FAM114A1: variants seen among roughly 807,000 people sequenced by gnomAD.
FAM114A1 encodes the protein protein NOXP20.
In FAM114A1, 62 loss-of-function variants were observed where a neutral mutation model predicts 64.3. That is an observed-to-expected ratio of 0.96 (90% CI 0.79 to 1.19). The LOEUF (loss-of-function observed/expected upper bound fraction) is 1.19. FAM114A1 is among the 50% of genes most tolerant of loss of function. The probability of loss-of-function intolerance (pLI) is 0.00; values close to 1 mark genes in which losing one functional copy is unlikely to be tolerated. For missense variants in FAM114A1, 645 were observed against 676.3 expected (o/e 0.95, Z 0.51); for synonymous variants, 254 against 251.1 (o/e 1.01, Z -0.11).
In FAM114A1 at chr4:38,944,980, C is replaced by T. The variant is rs1332030327; in HGVS notation, c.*1423C>T. The T allele has an allele frequency of 6.6e-6, 1 of 152,144 alleles. No homozygotes were observed. Among genetic ancestry groups the T allele is most frequent in the Non-Finnish European group, 1.5e-5 (1 of 68,032 alleles). 9.4% of individuals were successfully genotyped at this position (152,144 alleles called of 1,614,324 possible). ...TTGGTGTTTTATTTAATGTCCTACC[C>T]TTTAATTTGTTGCATTTTCCTATAC... On this transcript the variant is annotated 3_prime_UTR_variant, in exon 15 of 15. Coordinates refer to ENST00000358869, the MANE Select transcript of FAM114A1 (RefSeq NM_138389.4).
In FAM114A1 at chr4:38,943,608, A is replaced by C. The variant is rs932254906; in HGVS notation, c.*51A>C. On this transcript the variant is annotated 3_prime_UTR_variant, in exon 15 of 15. Transcript: ENST00000358869. ...GGAGACAGCTGGCCGCCTTGCCTCA[A>C]TATGTACCATTTAAGGGGATGTTCT... The C allele has an allele frequency of 1.3e-6, 2 of 1,497,212 alleles. No homozygotes were observed. The highest frequency in any genetic ancestry group is 1.9e-6 in the Non-Finnish European group (2 of 1,075,506). 92.7% of individuals were successfully genotyped at this position (1,497,212 alleles called of 1,614,324 possible).
chr4:38,908,686 G>T lies in FAM114A1; in HGVS notation c.752G>T (p.Arg251Leu). ...VLAESDPGFK[R>L]TKTLMERTVS... ...GCAGAAAGTGACCCGGGCTTTAAGC[G>T]GACCAAGACGCTCATGGAGAGAACT... The change falls in exon 7 of 15, where the codon CGG becomes CTG. Residue 251 changes from arginine (R) to leucine (L), a missense_variant. Arg to Leu is a moderately radical substitution (Grantham distance 102). Coordinates refer to ENST00000358869, the MANE Select transcript of FAM114A1 (RefSeq NM_138389.4). 1 of 1,612,636 alleles carries T rather than the reference G, an allele frequency of 6.2e-7. No homozygotes were observed. Among genetic ancestry groups the T allele is most frequent in the East Asian group, 2.2e-5 (1 of 44,872 alleles).
intron 8 of FAM114A1, among the ~76,000 whole-genome samples, chr4:38,919,173 C>T (rs1409170221): frequency 4.6e-5 from 7 of 151,982 alleles, no homozygotes; most frequent in South Asian, 2.1e-4. Flanking sequence ...AAAATTAAAA[C>T]GGTAAAGAAC....
Position 38,915,075 on chromosome 4 carries a change from T to A in FAM114A1, c.945+2T>A. On this transcript the variant is annotated splice_donor_variant, in intron 8 of 14. Coordinates refer to ENST00000358869, the MANE Select transcript of FAM114A1 (RefSeq NM_138389.4). LOFTEE classifies it high-confidence loss of function. ...CTGTCCAATGAAAGCGAAAGCAAGG[T>A]ACTTCTGCACTACTCGTTTGAAATG... 6.2e-7 allele frequency: 1 copy of A among 1,614,060 alleles called. No homozygotes were observed. Among genetic ancestry groups the A allele is most frequent in the Non-Finnish European group, 8.5e-7 (1 of 1,179,966 alleles).
intron 4 of FAM114A1, among the ~76,000 whole-genome samples, chr4:38,902,363 A>G (rs898889730): frequency 4.6e-5 from 7 of 152,224 alleles, no homozygotes; most frequent in African/African-American, 1.7e-4. Flanking sequence ...TTTCTTCTCA[A>G]TAATCTCGCA....
In FAM114A1 at chr4:38,905,526, T is replaced by C. The variant is rs1426573025; in HGVS notation, c.441T>C (p.His147=). ...CCATATTTTTATTTCCAACAGGTCA[T>C]GGATTGACGGCAGTCAAGGAAAAAG... The part of the protein sequence containing the change: ...LLSSASATVG[H]GLTAVKEKAG... Residue 147 remains histidine (H), a synonymous_variant, in exon 5 of 15, where the codon CAT becomes CAC. Coordinates refer to ENST00000358869, the MANE Select transcript of FAM114A1 (RefSeq NM_138389.4). The C allele has an allele frequency of 3.7e-6, 6 of 1,613,006 alleles. No individual in the cohort carries two copies. The highest frequency in any genetic ancestry group is 2.7e-5 in the African/African-American group (2 of 74,882).
rs774296251 is a variant in FAM114A1 at position 38,943,542 on chromosome 4, G to A, written c.1677G>A (p.Leu559=). 10 of 1,613,826 alleles carry A rather than the reference G, an allele frequency of 6.2e-6. No homozygotes were observed. The highest frequency in any genetic ancestry group is 8.5e-6 in the Non-Finnish European group (10 of 1,179,926). The change falls in exon 15 of 15, where the codon TTG becomes TTA. Residue 559 remains leucine (L), a synonymous_variant. Transcript: ENST00000358869. ...LQVSHIQTSC[L]KAQP ...TCTCACATATCCAGACCAGTTGTTT[G>A]AAAGCACAGCCGTGACCTGGCCAGA...
intron 6 of FAM114A1, 110 bp downstream of exon 6, chr4:38,905,971 G>T: frequency 1.1e-6 from 1 of 919,318 alleles, no homozygotes. Flanking sequence ...GCCTTGCTCA[G>T]AACTTTGGAT....
At chr4:38,924,863 ATGGTGTCTGAGGTAGACCT>A (rs1440465336) in intron 9 of FAM114A1, among the ~76,000 whole-genome samples, 1 of 152,210 alleles carries the variant, frequency 6.6e-6, no homozygotes, top group Non-Finnish European at 1.5e-5. Flanking sequence ...TTCAAGAGTC[ATGGTGTCTGAGGTAGACCT>A]TGGTCCTATT....
At chr4:38,933,028 A>G (rs904343416) in intron 12 of FAM114A1, among the ~76,000 whole-genome samples, 2 of 151,760 alleles carry the variant, frequency 1.3e-5, no homozygotes, top group Admixed American at 6.6e-5. Flanking sequence ...TAATTTTTGT[A>G]TTTTTAGTAG....
chr4:38,891,769 A>T lies in FAM114A1; in HGVS notation c.375A>T (p.Gly125=), dbSNP rs201447299. ...YLAVDSPPSG[G]GWAGWGSWGK... is the part of the protein sequence containing the mutation. ...CTGTGGATTCCCCTCCAAGTGGAGG[A>T]GGATGGGCAGGCTGGGGATCCTGGG... The change falls in exon 4 of 15, where the codon GGA becomes GGT. Residue 125 remains glycine, a synonymous_variant. Transcript: ENST00000358869. 1 of 1,612,058 alleles carries T rather than the reference A, an allele frequency of 6.2e-7. No homozygotes were observed. The highest frequency in any genetic ancestry group is 8.5e-7 in the Non-Finnish European group (1 of 1,179,194).
chr4:38,916,064 C>G (rs898075144), intron 8 of FAM114A1, among the ~76,000 whole-genome samples: 1 of 152,154 alleles, frequency 6.6e-6, no homozygotes, highest in East Asian at 1.9e-4. Flanking sequence ...GTTTTTGACT[C>G]TCCCTAGACC....
At chr4:38,914,462 A>C (rs965501139) in intron 7 of FAM114A1, among the ~76,000 whole-genome samples, 3 of 152,120 alleles carry the variant, frequency 2.0e-5, no homozygotes, top group Admixed American at 1.3e-4. Context: ...GCTCCTCAGG[A>C]GGCTGAGGCA....
chr4:38,941,097 C>A, intron 14 of FAM114A1, 76 bp downstream of exon 14: 2 of 1,241,452 alleles, frequency 1.6e-6, no homozygotes, highest in Non-Finnish European at 2.3e-6. Flanking sequence ...TTTTGCCTTT[C>A]TTCCCCCACA....
At chr4:38,921,823 G>A (rs1371524511) in intron 8 of FAM114A1, among the ~76,000 whole-genome samples, 4 of 152,212 alleles carry the variant, frequency 2.6e-5, no homozygotes, top group African/African-American at 9.7e-5. Context: ...GAAGAAAAAT[G>A]TGTCTTGTGC....
At chr4:38,930,726 C>G (rs1255530741) in intron 10 of FAM114A1, among the ~76,000 whole-genome samples, 1 of 152,200 alleles carries the variant, frequency 6.6e-6, no homozygotes, top group Non-Finnish European at 1.5e-5. Context: ...ACAGCTTAAA[C>G]TATAATGATA....
intron 9 of FAM114A1, among the ~76,000 whole-genome samples, chr4:38,925,214 T>C (rs1719996616): frequency 6.6e-6 from 1 of 152,226 alleles, no homozygotes; most frequent in Non-Finnish European, 1.5e-5. Context: ...TCCCATAATA[T>C]ATCAATTTTC....
At chr4:38,878,560 A>T (rs1369364129) in intron 3 of FAM114A1, 134 bp downstream of exon 3, 2 of 666,568 alleles carry the variant, frequency 3.0e-6, no homozygotes, top group African/African-American at 3.6e-5. Flanking sequence ...GTCATCAGAA[A>T]TGTGTAGTGA....
At chr4:38,868,068 TGTGA>T (rs1015543190) in intron 1 of FAM114A1, 14 of 414,810 alleles carry the variant, frequency 3.4e-5, no homozygotes, top group East Asian at 9.3e-5. Flanking sequence ...AGTGTGTGTG[TGTGA>T]GTGTGTGTCG....
Sources: allele counts gnomAD v4.1 joint callset (sites outside exome capture counted in the v4.1 genomes callset), GRCh38; gene constraint gnomAD v4.1.1; transcripts MANE v1.5; gene names NCBI Gene and HGNC (gene_info 2026-07-23, HGNC 2026-07-21).